Variants in SLC12A8 observed in about 807,000 individuals in gnomAD.
SLC12A8 encodes the protein solute carrier family 12 member 8.
SLC12A8 carries 69 observed loss-of-function variants against 75.6 expected under a neutral mutation model. That is an observed-to-expected ratio of 0.91 (90% CI 0.75 to 1.11). The LOEUF is 1.11. SLC12A8 is among the 50% of genes most tolerant of loss of function. The probability of loss-of-function intolerance (pLI) is 0.00; values close to 1 mark genes in which losing one functional copy is unlikely to be tolerated. For synonymous variants in SLC12A8, 365 were observed against 372.8 expected (o/e 0.98, Z 0.24); for missense variants, 877 against 896.7 (o/e 0.98, Z 0.28).
intron 1 of SLC12A8, among the ~76,000 whole-genome samples, chr3:125,211,740 G>A (rs1019097606): frequency 3.9e-5 from 6 of 152,174 alleles, no homozygotes; most frequent in African/African-American, 1.4e-4. Context: ...CCACCCTCAA[G>A]TGCCTCGTGA....
chr3:125,133,346 C>T (rs1489495357), intron 6 of SLC12A8, among the ~76,000 whole-genome samples: 2 of 147,248 alleles, frequency 1.4e-5, no homozygotes, highest in Non-Finnish European at 3.0e-5. Context: ...ATCAGGAATA[C>T]ACACACACAC....
At chr3:125,147,376 C>T (rs1449882150) in intron 5 of SLC12A8, among the ~76,000 whole-genome samples, 1 of 152,238 alleles carries the variant, frequency 6.6e-6, no homozygotes, top group Non-Finnish European at 1.5e-5. Context: ...GGCAGGGGCA[C>T]TCTGCTCTCA....
intron 2 of SLC12A8, among the ~76,000 whole-genome samples, chr3:125,197,787 C>T (rs866442428): frequency 1.8e-4 from 27 of 152,122 alleles, no homozygotes; most frequent in African/African-American, 5.1e-4. Flanking sequence ...CCAAATGATC[C>T]ATGTGGAAGG....
At chr3:125,103,375 CT>C (rs1560052017) in intron 10 of SLC12A8, among the ~76,000 whole-genome samples, 1 of 151,724 alleles carries the variant, frequency 6.6e-6, no homozygotes, top group Non-Finnish European at 1.5e-5. Context: ...TAGCCCACTC[CT>C]CCTTATTCTA....
intron 2 of SLC12A8, among the ~76,000 whole-genome samples, chr3:125,193,490 A>G (rs1006244930): frequency 3.9e-5 from 6 of 152,184 alleles, no homozygotes; most frequent in African/African-American, 1.4e-4. Context: ...CTCTTGGGAG[A>G]GGACTGGCTG....
At chr3:125,096,548 A>G (rs1938716298) in intron 10 of SLC12A8, among the ~76,000 whole-genome samples, 2 of 152,194 alleles carry the variant, frequency 1.3e-5, no homozygotes, top group African/African-American at 2.4e-5. Flanking sequence ...CATCCTCTCA[A>G]CATCTATTTG....
chr3:125,141,764 G>A (rs1933645496), intron 5 of SLC12A8, among the ~76,000 whole-genome samples: 1 of 152,154 alleles, frequency 6.6e-6, no homozygotes, highest in Non-Finnish European at 1.5e-5. Context: ...CCCTGGACCA[G>A]CGACCGACGA....
intron 5 of SLC12A8, among the ~76,000 whole-genome samples, chr3:125,137,682 T>C (rs1404229068): frequency 6.6e-6 from 1 of 152,242 alleles, no homozygotes; most frequent in Non-Finnish European, 1.5e-5. Flanking sequence ...GAATATTTGG[T>C]CACTGGGCCT....
At chr3:125,178,080 C>G (rs1209496991) in intron 4 of SLC12A8, 106 bp from the exon 5 acceptor site, 2 of 929,284 alleles carry the variant, frequency 2.2e-6, no homozygotes, top group African/African-American at 1.6e-5. Flanking sequence ...GACACACTCA[C>G]TGGCACCAAG....
chr3:125,195,188 GCTTTCCCCAGCTAACTTGT>G (rs1934983908), intron 2 of SLC12A8, among the ~76,000 whole-genome samples: 2 of 152,260 alleles, frequency 1.3e-5, no homozygotes, highest in Non-Finnish European at 2.9e-5. Context: ...TGCATTTGCT[GCTTTCCCCAGCTAACTTGT>G]CTTCATGTTT....
intron 2 of SLC12A8, among the ~76,000 whole-genome samples, chr3:125,205,313 G>A (rs1348523844): frequency 2.0e-5 from 3 of 152,102 alleles, no homozygotes; most frequent in Admixed American, 1.3e-4. Context: ...CAGTGGCATC[G>A]ACCTCTGCAT....
chr3:125,112,053 AGGGCTGCAAAG>A (rs1031000667), intron 8 of SLC12A8, among the ~76,000 whole-genome samples: 2 of 152,118 alleles, frequency 1.3e-5, no homozygotes, highest in Admixed American at 6.5e-5. Context: ...GTGCCCTACC[AGGGCTGCAAAG>A]GGACAGGCAA....
chr3:125,113,490 T>C (rs1445205176), intron 8 of SLC12A8, among the ~76,000 whole-genome samples: 1 of 152,188 alleles, frequency 6.6e-6, no homozygotes, highest in African/African-American at 2.4e-5. Flanking sequence ...CAGGAAGCAT[T>C]TCCTGACGAC....
chr3:125,171,208 A>AAAGGTAAAAATT (rs1560075146), intron 5 of SLC12A8, among the ~76,000 whole-genome samples: 1 of 27,614 alleles, frequency 3.6e-5, no homozygotes, highest in Admixed American at 6.8e-4. Flanking sequence ...TCTCCATTGA[A>AAAGGTAAAAATT]AGATATCATC....
intron 5 of SLC12A8, among the ~76,000 whole-genome samples, chr3:125,153,650 A>AT (rs1053716438): frequency 3.3e-5 from 5 of 152,016 alleles, no homozygotes; most frequent in African/African-American, 1.2e-4. Context: ...TTATTTATAT[A>AT]TTTTTTGAGA....
intron 13 of SLC12A8, among the ~76,000 whole-genome samples, chr3:125,084,636 C>T (rs895017610): frequency 3.9e-5 from 6 of 152,296 alleles, no homozygotes; most frequent in Admixed American, 3.9e-4. Flanking sequence ...TTGGAATAAA[C>T]TGGGAAAGAA....
intron 5 of SLC12A8, among the ~76,000 whole-genome samples, chr3:125,165,998 G>C (rs1934278341): frequency 6.6e-6 from 1 of 152,166 alleles, no homozygotes; most frequent in Non-Finnish European, 1.5e-5. Context: ...ATATAGAACA[G>C]TGAAAATGCC....
At chr3:125,126,178 A>G (rs1268698523) in intron 6 of SLC12A8, among the ~76,000 whole-genome samples, 3 of 152,138 alleles carry the variant, frequency 2.0e-5, no homozygotes, top group Non-Finnish European at 4.4e-5. Flanking sequence ...TCAGGCACAT[A>G]TTTATGGTCT....
chr3:125,128,479 CTTT>C (rs34392392), intron 6 of SLC12A8, among the ~76,000 whole-genome samples: 48 of 109,826 alleles, frequency 4.4e-4, no homozygotes, highest in Non-Finnish European at 4.7e-4. Flanking sequence ...CGCGCCCGGC[CTTT>C]TTTTTTTTTT....
Sources: allele counts gnomAD v4.1 joint callset (sites outside exome capture counted in the v4.1 genomes callset), GRCh38; gene constraint gnomAD v4.1.1; transcripts MANE v1.5; gene names NCBI Gene and HGNC (gene_info 2026-07-23, HGNC 2026-07-21).